The following FAM114A2 variants were observed in gnomAD, a reference collection of about 807,000 sequenced individuals.
FAM114A2 encodes the protein family with sequence similarity 114 member A2.
In FAM114A2, 53 loss-of-function variants were observed where a neutral mutation model predicts 58.4. The ratio of observed to expected loss-of-function variants is 0.91; its 90% CI spans 0.73 to 1.14. The LOEUF is 1.14. Among genes scored for constraint, FAM114A2 ranks in the 50% most tolerant of loss-of-function variants. The pLI is 0.00. For missense variants in FAM114A2, 601 were observed against 581.1 expected (o/e 1.03, Z -0.35); for synonymous variants, 228 against 211.4 (o/e 1.08, Z -0.68).
At chr5:154,017,686 A>ATAGGCCACAAAAGGGGCCTC (rs1485514710) in intron 8 of FAM114A2, among the ~76,000 whole-genome samples, 1 of 152,206 alleles carries the variant, frequency 6.6e-6, no homozygotes. Flanking sequence ...AGACCATATG[A>ATAGGCCACAAAAGGGGCCTC]TAGGCCACAA....
rs767630433 is a variant in FAM114A2 at position 154,002,260 on chromosome 5, G to T, written c.1247C>A (p.Thr416Asn). The T allele has an allele frequency of 3.1e-6, 5 of 1,613,740 alleles. No homozygotes were observed. Among genetic ancestry groups the T allele is most frequent in the Admixed American group, 1.7e-5 (1 of 60,018 alleles). ...TTCTCATTACACTTACTGGGAAAGA[G>T]TTTGGCTCCTTTCTATGGCTGTCAC... ...QEVTAIERSQ[T>N]LSQMTIVLCK... Residue 416 changes from threonine (T) to asparagine (N), a missense_variant, in exon 11 of 14, where the codon ACT becomes AAT. By Grantham distance (65) the Thr-to-Asn change is moderately conservative. Transcript: ENST00000351797.
At chr5:154,019,205 T>C (rs1347082940) in intron 8 of FAM114A2, among the ~76,000 whole-genome samples, 1 of 152,180 alleles carries the variant, frequency 6.6e-6, no homozygotes, top group Non-Finnish European at 1.5e-5. Flanking sequence ...GGATACAAAA[T>C]TAATGTACAC....
intron 12 of FAM114A2, among the ~76,000 whole-genome samples, chr5:153,995,723 T>C (rs544265945): frequency 1.3e-5 from 2 of 152,334 alleles, no homozygotes; most frequent in East Asian, 1.9e-4. Flanking sequence ...ATGCTCTTGA[T>C]TTTATCCCAA....
intron 8 of FAM114A2, among the ~76,000 whole-genome samples, chr5:154,017,777 C>T (rs1180664950): frequency 6.6e-6 from 1 of 152,086 alleles, no homozygotes; most frequent in Non-Finnish European, 1.5e-5. Flanking sequence ...TAGAAATCAA[C>T]TCTTCAAAAC....
intron 8 of FAM114A2, among the ~76,000 whole-genome samples, chr5:154,023,064 C>T (rs765097308): frequency 2.6e-5 from 4 of 152,158 alleles, no homozygotes; most frequent in Non-Finnish European, 4.4e-5. Flanking sequence ...CTTGTTCTCA[C>T]CCATAGGTGG....
chr5:154,019,955 C>T (rs950356062), intron 8 of FAM114A2, among the ~76,000 whole-genome samples: 4 of 152,128 alleles, frequency 2.6e-5, no homozygotes, highest in Non-Finnish European at 5.9e-5. Flanking sequence ...TTTCTCAGAC[C>T]ACAGTGCAAT....
At chr5:153,995,275 G>T (rs143252265) in intron 12 of FAM114A2, 175 of 228,592 alleles carry the variant, frequency 7.7e-4, no homozygotes, top group African/African-American at 3.6e-3. Context: ...AAAACATGTA[G>T]ATATGGAACA....
chr5:154,004,656 T>TA (rs1445237468), intron 9 of FAM114A2, among the ~76,000 whole-genome samples: 2 of 152,142 alleles, frequency 1.3e-5, no homozygotes, highest in Non-Finnish European at 2.9e-5. Flanking sequence ...GGGGCCATCT[T>TA]AGATTTTTTT....
At chr5:153,997,259 T>C (rs1046961906) in intron 12 of FAM114A2, among the ~76,000 whole-genome samples, 1 of 152,146 alleles carries the variant, frequency 6.6e-6, no homozygotes, top group African/African-American at 2.4e-5. Context: ...CCTAGCTATC[T>C]ACCCAAGAGA....
At chr5:153,996,766 G>A (rs1769586301) in intron 12 of FAM114A2, among the ~76,000 whole-genome samples, 3 of 151,840 alleles carry the variant, frequency 2.0e-5, no homozygotes, top group South Asian at 2.1e-4. Flanking sequence ...GGAGGCCAAC[G>A]CAGGTGGATC....
At chr5:154,024,237 T>A (rs900848894) in intron 8 of FAM114A2, among the ~76,000 whole-genome samples, 6 of 152,294 alleles carry the variant, frequency 3.9e-5, no homozygotes, top group African/African-American at 1.4e-4. Flanking sequence ...CTTGTTCTTG[T>A]AAAACTTTCT....
intron 11 of FAM114A2, among the ~76,000 whole-genome samples, chr5:153,998,979 G>T (rs1474841365): frequency 2.0e-5 from 3 of 152,150 alleles, no homozygotes; most frequent in African/African-American, 7.2e-5. Context: ...CAATAAGAAT[G>T]AATTTTCTAT....
intron 4 of FAM114A2, among the ~76,000 whole-genome samples, chr5:154,032,798 A>G (rs1351520891): frequency 6.6e-6 from 1 of 152,236 alleles, no homozygotes; most frequent in Middle Eastern, 3.2e-3. Context: ...AGAATACTGT[A>G]GAGAAGCCAG....
intron 11 of FAM114A2, among the ~76,000 whole-genome samples, 199 bp downstream of exon 11, chr5:154,002,052 A>C (rs904198104): frequency 6.6e-6 from 1 of 152,236 alleles, no homozygotes; most frequent in Non-Finnish European, 1.5e-5. Flanking sequence ...TGAGTTGGTT[A>C]ATAAAAAGGG....
At chr5:154,010,204 T>G (rs575464045) in intron 9 of FAM114A2, among the ~76,000 whole-genome samples, 23 of 152,326 alleles carry the variant, frequency 1.5e-4, no homozygotes, top group African/African-American at 5.3e-4. Context: ...GCACAAATGT[T>G]TGAGCAAATG....
At chr5:154,028,612 C>T (rs543994051) in intron 5 of FAM114A2, among the ~76,000 whole-genome samples, 25 of 152,300 alleles carry the variant, frequency 1.6e-4, no homozygotes, top group African/African-American at 5.8e-4. Context: ...AAACTGAAAA[C>T]TACCCCAATG....
intron 12 of FAM114A2, among the ~76,000 whole-genome samples, chr5:153,996,374 C>G (rs1769554249): frequency 6.6e-6 from 1 of 152,060 alleles, no homozygotes; most frequent in African/African-American, 2.4e-5. Flanking sequence ...GGCCCCCTAC[C>G]TTACACCATA....
intron 8 of FAM114A2, 110 bp downstream of exon 8, chr5:154,026,289 A>T: frequency 1.1e-6 from 1 of 874,546 alleles, no homozygotes; most frequent in Non-Finnish European, 1.6e-6. Context: ...TTTCACCAAA[A>T]AAGTAAAATC....
At chr5:154,007,587 A>C (rs1694224582) in intron 9 of FAM114A2, among the ~76,000 whole-genome samples, 1 of 152,252 alleles carries the variant, frequency 6.6e-6, no homozygotes, top group Non-Finnish European at 1.5e-5. Flanking sequence ...AATGGCGAGA[A>C]CTGCCAGACA....
Sources: allele counts gnomAD v4.1 joint callset (sites outside exome capture counted in the v4.1 genomes callset), GRCh38; gene constraint gnomAD v4.1.1; transcripts MANE v1.5; gene names NCBI Gene and HGNC (gene_info 2026-07-23, HGNC 2026-07-21).